Variants in SHISAL1 observed in about 807,000 individuals in gnomAD.
The protein encoded by SHISAL1 is protein shisa-like-1.
In SHISAL1, 9 loss-of-function variants were observed where a neutral mutation model predicts 22.6. The ratio of observed to expected loss-of-function variants is 0.40; its 90% CI spans 0.24 to 0.70. The LOEUF (loss-of-function observed/expected upper bound fraction) is 0.70. SHISAL1 is among the 30% of genes least tolerant of loss of function. SHISAL1 has a pLI of 0.39. For missense variants in SHISAL1, 246 were observed against 270.6 expected, an observed-to-expected ratio of 0.91 and a Z score of 0.64; for synonymous variants, 119 against 115.4, an observed-to-expected ratio of 1.03 and a Z score of -0.20.
At chr22:44,263,212 A>C (rs2055138414) in intron 4 of SHISAL1, among the ~76,000 whole-genome samples, 1 of 149,976 alleles carries the variant, frequency 6.7e-6, no homozygotes, top group Non-Finnish European at 1.5e-5. Context: ...TTAGGATTAC[A>C]GGCACCCACC....
At chr22:44,300,572 C>A in intron 2 of SHISAL1, among the ~76,000 whole-genome samples, 1 of 152,214 alleles carries the variant, frequency 6.6e-6, no homozygotes, top group South Asian at 2.1e-4. Flanking sequence ...CTAACCTTGT[C>A]TCGCAGGGGC....
intron 4 of SHISAL1, among the ~76,000 whole-genome samples, chr22:44,256,848 C>T (rs1374169032): frequency 6.6e-6 from 1 of 152,102 alleles, no homozygotes; most frequent in African/African-American, 2.4e-5. Context: ...AGAAATGGAT[C>T]AATTTCCAAG....
chr22:44,311,836 T>G (rs6519840), intron 1 of SHISAL1, among the ~76,000 whole-genome samples: 32,363 of 152,206 alleles, frequency 0.21, 3,705 homozygotes, highest in Non-Finnish European at 0.25. Flanking sequence ...TGGGCCTTCT[T>G]CAGCTCAACA....
intron 4 of SHISAL1, among the ~76,000 whole-genome samples, chr22:44,266,656 G>A (rs1208468069): frequency 6.6e-6 from 1 of 151,706 alleles, no homozygotes; most frequent in African/African-American, 2.4e-5. Flanking sequence ...CCTCTCCCTG[G>A]CTGTTTGACT....
At chr22:44,260,570 G>C (rs547621809) in intron 4 of SHISAL1, among the ~76,000 whole-genome samples, 2 of 152,220 alleles carry the variant, frequency 1.3e-5, no homozygotes, top group Admixed American at 1.3e-4. Flanking sequence ...CGAAGCCTTT[G>C]CTTGGTTTCC....
At chr22:44,276,560 G>A (rs73163898) in intron 4 of SHISAL1, among the ~76,000 whole-genome samples, 11 of 152,190 alleles carry the variant, frequency 7.2e-5, no homozygotes, top group South Asian at 4.2e-4. Flanking sequence ...CTCAGTGGAG[G>A]GGTGGGTATG....
intron 2 of SHISAL1, among the ~76,000 whole-genome samples, chr22:44,299,482 C>T (rs796363833): frequency 1.3e-5 from 2 of 152,206 alleles, no homozygotes; most frequent in South Asian, 4.1e-4. Context: ...TGAGCCAAAG[C>T]ATGGGAAGCA....
chr22:44,295,803 T>G (rs1475903214), intron 3 of SHISAL1, among the ~76,000 whole-genome samples: 2 of 152,204 alleles, frequency 1.3e-5, no homozygotes, highest in Non-Finnish European at 2.9e-5. Flanking sequence ...ACGGCCAGCT[T>G]CACTCATAAT....
intron 4 of SHISAL1, among the ~76,000 whole-genome samples, chr22:44,275,186 G>C (rs2147283234): frequency 6.6e-6 from 1 of 152,300 alleles, no homozygotes; most frequent in East Asian, 1.9e-4. Context: ...GAGGGAGGTG[G>C]GGAGCTGCCA....
chr22:44,267,014 C>T (rs1365578068), intron 4 of SHISAL1, among the ~76,000 whole-genome samples: 1 of 152,138 alleles, frequency 6.6e-6, no homozygotes, highest in Admixed American at 6.5e-5. Flanking sequence ...CTATGCCCAG[C>T]GGCTTCTGGC....
chr22:44,267,235 T>TG (rs1307351096), intron 4 of SHISAL1, among the ~76,000 whole-genome samples: 1 of 152,006 alleles, frequency 6.6e-6, no homozygotes, highest in Admixed American at 6.6e-5. Context: ...CTGCCACAGG[T>TG]GGGAGCGCCT....
chr22:44,292,633 A>G (rs2055360438), intron 3 of SHISAL1, among the ~76,000 whole-genome samples: 1 of 152,212 alleles, frequency 6.6e-6, no homozygotes, highest in South Asian at 2.1e-4. Context: ...CCGTGCACAC[A>G]GAGGCCCTCT....
intron 1 of SHISAL1, among the ~76,000 whole-genome samples, chr22:44,308,150 G>T (rs1358106570): frequency 6.6e-6 from 1 of 152,182 alleles, no homozygotes; most frequent in Non-Finnish European, 1.5e-5. Flanking sequence ...CTGAGCCTCA[G>T]TGTCCTCAGC....
chr22:44,251,321 C>A (rs2055046023), intron 4 of SHISAL1, among the ~76,000 whole-genome samples: 1 of 152,150 alleles, frequency 6.6e-6, no homozygotes, highest in East Asian at 1.9e-4. Flanking sequence ...AGAATAAAGT[C>A]AACAGAAAAA....
intron 4 of SHISAL1, among the ~76,000 whole-genome samples, chr22:44,261,097 A>ATATATATATATATATATATATATATATT (rs2055120543): frequency 7.7e-6 from 1 of 130,654 alleles, no homozygotes; most frequent in Non-Finnish European, 1.5e-5. Context: ...ATATATATAT[A>ATATATATATATATATATATATATATATT]TACACTATAT....
chr22:44,255,063 C>T (rs2055075053), intron 4 of SHISAL1, among the ~76,000 whole-genome samples: 1 of 152,212 alleles, frequency 6.6e-6, no homozygotes, highest in Non-Finnish European at 1.5e-5. Context: ...CCTCCTCCTC[C>T]CACCGCTCCT....
chr22:44,271,618 T>G (rs946929474), intron 4 of SHISAL1, among the ~76,000 whole-genome samples: 2 of 152,318 alleles, frequency 1.3e-5, no homozygotes, highest in Non-Finnish European at 2.9e-5. Context: ...GGAAATAAAG[T>G]AGAATCCATG....
intron 4 of SHISAL1, among the ~76,000 whole-genome samples, chr22:44,258,225 G>A (rs545013814): frequency 3.9e-5 from 6 of 152,270 alleles, no homozygotes; most frequent in Middle Eastern, 3.4e-3. Flanking sequence ...AGAATCACTC[G>A]AATCCAGTGG....
chr22:44,259,547 A>T (rs1158039306), intron 4 of SHISAL1, among the ~76,000 whole-genome samples: 1 of 150,846 alleles, frequency 6.6e-6, no homozygotes, highest in Admixed American at 6.6e-5. Context: ...TCCTGGGTGG[A>T]GCCCTCGGTT....
Sources: allele counts gnomAD v4.1 joint callset (sites outside exome capture counted in the v4.1 genomes callset), GRCh38; gene constraint gnomAD v4.1.1; transcripts MANE v1.5; gene names NCBI Gene and HGNC (gene_info 2026-07-23, HGNC 2026-07-21).